The following RNASEH2B variants were observed in gnomAD, a reference collection of about 807,000 sequenced individuals.
The protein encoded by RNASEH2B is Aicardi-Goutieres syndrome 2 protein.
In RNASEH2B, 36 loss-of-function variants were observed where a neutral mutation model predicts 45.0. The observed-to-expected ratio is 0.80, with a 90% confidence interval of 0.61 to 1.06. RNASEH2B has a LOEUF of 1.06. RNASEH2B is among the 50% of genes least tolerant of loss of function. The pLI is 0.00. For missense variants in RNASEH2B, 361 were observed against 360.3 expected (o/e 1.00, Z -0.02); for synonymous variants, 119 against 125.7 (o/e 0.95, Z 0.35).
chr13:50,963,459 C>A (rs761675782), intron 9 of RNASEH2B, among the ~76,000 whole-genome samples: 5 of 152,114 alleles, frequency 3.3e-5, no homozygotes, highest in Non-Finnish European at 7.3e-5. Flanking sequence ...CCACCACGCC[C>A]GGCCTTAAAT....
At chr13:50,952,708 A>G (rs1163225807) in intron 9 of RNASEH2B, 3 of 152,194 alleles carry the variant, frequency 2.0e-5, no homozygotes, top group Admixed American at 1.3e-4. Flanking sequence ...GCTGAAACAT[A>G]TATTCTTAAC....
At chr13:50,937,843 A>G (rs540552817) in intron 5 of RNASEH2B, 2 of 152,254 alleles carry the variant, frequency 1.3e-5, no homozygotes, top group Non-Finnish European at 2.9e-5. Context: ...CATCATCTTC[A>G]TTGTAAAAGA....
At position 50,934,806 on chromosome 13, in the gene RNASEH2B, G is replaced by A. The variant is rs1001949505; in HGVS notation, c.322-79G>A. 5.1e-6 allele frequency: 5 copies of A among 975,304 alleles called. No individual in the cohort carries two copies. The Admixed American group carries it at 7.9e-5, about 15-fold the overall frequency. 60.4% of individuals were successfully genotyped at this position (975,304 alleles called of 1,614,324 possible). A position where few individuals can be genotyped will look rare whatever the true frequency, so the allele number is the denominator to read the frequency against. ...ACTAAGTTTAAAGGCCCAGCCATGA[G>A]TTAATGTGTCTTTTTCTCTTTTTTT... is the stretch of plus-strand genomic sequence containing the variant. On this transcript the variant is annotated intron_variant, in intron 4 of 10. Coordinates refer to ENST00000336617, the MANE Select transcript of RNASEH2B (RefSeq NM_024570.4).
chr13:50,966,509 C>CAT (rs1369719816), intron 9 of RNASEH2B, among the ~76,000 whole-genome samples: 1 of 151,878 alleles, frequency 6.6e-6, no homozygotes, highest in African/African-American at 2.4e-5. Flanking sequence ...TTCATCAAGC[C>CAT]ATATATTTTT....
chr13:50,930,802 C>G, intron 4 of RNASEH2B, 43 bp downstream of exon 4: 1 of 1,444,504 alleles, frequency 6.9e-7, no homozygotes, highest in Non-Finnish European at 9.8e-7. Context: ...GAAACAGAAT[C>G]AACTATTTTT....
Position 50,910,139 on chromosome 13 carries a change from AG to A in RNASEH2B, c.64+1del. On this transcript the variant is annotated frameshift_variant and splice_region_variant, in exon 1 of 11. Coordinates refer to ENST00000336617, the MANE Select transcript of RNASEH2B (RefSeq NM_024570.4). LOFTEE classifies it high-confidence loss of function. The part of the protein sequence containing the change: ...GARQHVFLVS[E>X]YLKDASKKMK... ...CCCGGCAGCACGTGTTCCTGGTTTC[AG>A]GTAAACACGCGCGCCCGGGCGGCGG... 7.0e-7 allele frequency: 1 copy of A among 1,438,302 alleles called. No individual in the cohort carries two copies. The highest frequency in any genetic ancestry group is 9.1e-7 in the Non-Finnish European group (1 of 1,094,950). The allele number at this position is 1,438,302 out of a possible 1,614,324, so 89.1% of individuals were successfully genotyped here.
chr13:50,917,169 A>C (rs572864230), intron 1 of RNASEH2B, among the ~76,000 whole-genome samples: 2 of 152,272 alleles, frequency 1.3e-5, no homozygotes, highest in East Asian at 3.9e-4. Flanking sequence ...TGTAAGCACA[A>C]GGTGGGAGAG....
intron 6 of RNASEH2B, among the ~76,000 whole-genome samples, chr13:50,944,452 G>A (rs991507084): frequency 7.9e-5 from 12 of 151,946 alleles, no homozygotes; most frequent in African/African-American, 2.2e-4. Flanking sequence ...GGGCTGTTTC[G>A]GGGGTTAGGG....
chr13:50,924,649 C>T (rs960283366), intron 1 of RNASEH2B, among the ~76,000 whole-genome samples: 4 of 152,152 alleles, frequency 2.6e-5, no homozygotes, highest in African/African-American at 9.7e-5. Context: ...GCTTTAACTT[C>T]CTGGGCTCAA....
chr13:50,921,662 C>T (rs1475539947), intron 1 of RNASEH2B, among the ~76,000 whole-genome samples: 2 of 152,106 alleles, frequency 1.3e-5, no homozygotes, highest in Non-Finnish European at 2.9e-5. Flanking sequence ...GTAAATGAGC[C>T]CTTTTTCTCA....
chr13:50,962,533 G>A (rs1952121392), intron 9 of RNASEH2B, among the ~76,000 whole-genome samples: 1 of 151,972 alleles, frequency 6.6e-6, no homozygotes, highest in Non-Finnish European at 1.5e-5. Context: ...TAATGTCTGT[G>A]GATCTGTAGT....
intron 1 of RNASEH2B, among the ~76,000 whole-genome samples, chr13:50,922,663 A>G (rs1184498084): frequency 6.6e-6 from 1 of 152,216 alleles, no homozygotes; most frequent in Non-Finnish European, 1.5e-5. Flanking sequence ...AAAAACAGCA[A>G]TAACAAATCC....
chr13:50,969,361 C>T (rs750276959), intron 9 of RNASEH2B, among the ~76,000 whole-genome samples: 23 of 151,774 alleles, frequency 1.5e-4, no homozygotes, highest in Admixed American at 2.6e-4. Context: ...ACTTTGCACT[C>T]AATAAAAAAT....
At chr13:50,918,471 G>T (rs933304932) in intron 1 of RNASEH2B, among the ~76,000 whole-genome samples, 22 of 152,284 alleles carry the variant, frequency 1.4e-4, no homozygotes, top group African/African-American at 5.1e-4. Flanking sequence ...AGCTTCAAAA[G>T]AAAGTTACAC....
intron 7 of RNASEH2B, 91 bp downstream of exon 7, chr13:50,945,623 C>A: frequency 1.2e-6 from 1 of 841,260 alleles, no homozygotes; most frequent in Non-Finnish European, 2.0e-6. Flanking sequence ...ATCTTAATAT[C>A]ACAGAAGCCT....
At chr13:50,943,155 TAAC>T in intron 5 of RNASEH2B, 163 bp from the exon 6 acceptor site, 1 of 592,000 alleles carries the variant, frequency 1.7e-6, no homozygotes, top group Non-Finnish European at 3.0e-6. Context: ...ACATTACTAC[TAAC>T]ATTTAAAAAA....
chr13:50,929,989 T>G (rs914223176), intron 3 of RNASEH2B: 2 of 267,010 alleles, frequency 7.5e-6, no homozygotes, highest in Non-Finnish European at 1.5e-5. Context: ...AAAGTTTCTT[T>G]AAAATGCTTT....
downstream of RNASEH2B, among the ~76,000 whole-genome samples, chr13:50,958,708 T>C (rs1254944970): frequency 6.6e-6 from 1 of 152,240 alleles, no homozygotes; most frequent in Non-Finnish European, 1.5e-5. Flanking sequence ...TAAATATGTT[T>C]TTTAATGACA....
At chr13:50,965,752 T>C (rs1197330268) in intron 9 of RNASEH2B, among the ~76,000 whole-genome samples, 1 of 152,252 alleles carries the variant, frequency 6.6e-6, no homozygotes, top group Non-Finnish European at 1.5e-5. Context: ...ATACAGTCTT[T>C]AATCTCTCTG....
Sources: allele counts gnomAD v4.1 joint callset (sites outside exome capture counted in the v4.1 genomes callset), GRCh38; gene constraint gnomAD v4.1.1; transcripts MANE v1.5; gene names NCBI Gene and HGNC (gene_info 2026-07-23, HGNC 2026-07-21).